Variants in THRB observed in about 807,000 individuals in gnomAD.
THRB encodes the protein nuclear receptor subfamily 1 group A member 2.
In THRB, 12 loss-of-function variants were observed where a neutral mutation model predicts 47.8. That is an observed-to-expected ratio of 0.25 (90% CI 0.16 to 0.41). The LOEUF (loss-of-function observed/expected upper bound fraction) is 0.41. THRB is among the 10% of genes least tolerant of loss of function. The probability of loss-of-function intolerance (pLI) is 1.00; values close to 1 mark genes in which losing one functional copy is unlikely to be tolerated. For synonymous variants in THRB, 218 were observed against 212.2 expected, an observed-to-expected ratio of 1.03 and a Z score of -0.24; for missense variants, 348 against 589.2, an observed-to-expected ratio of 0.59 and a Z score of 4.24.
At chr3:24,225,183 T>C (rs180953594) in intron 4 of THRB, among the ~76,000 whole-genome samples, 1 of 152,256 alleles carries the variant, frequency 6.6e-6, no homozygotes, top group African/African-American at 2.4e-5. Flanking sequence ...TTGTTCTCAG[T>C]TTTGCTTAAC....
At chr3:24,192,860 T>C (rs899789114) in intron 4 of THRB, among the ~76,000 whole-genome samples, 2 of 152,222 alleles carry the variant, frequency 1.3e-5, no homozygotes, top group Non-Finnish European at 1.5e-5. Context: ...ATTACATTCG[T>C]AATAATGATA....
At chr3:24,455,974 T>C (rs1368356327) in intron 1 of THRB, among the ~76,000 whole-genome samples, 1 of 152,200 alleles carries the variant, frequency 6.6e-6, no homozygotes, top group Non-Finnish European at 1.5e-5. Context: ...CAAACTATTA[T>C]CTTCTCACAT....
At chr3:24,480,923 A>T (rs1301001699) in intron 1 of THRB, among the ~76,000 whole-genome samples, 1 of 152,174 alleles carries the variant, frequency 6.6e-6, no homozygotes, top group Non-Finnish European at 1.5e-5. Context: ...AGAAAATTTA[A>T]AAAGCGATGG....
intron 4 of THRB, among the ~76,000 whole-genome samples, chr3:24,224,990 G>A (rs2047512462): frequency 6.6e-6 from 1 of 152,116 alleles, no homozygotes; most frequent in Admixed American, 6.6e-5. Flanking sequence ...CCAAAATAGA[G>A]CTCATATATC....
rs139789096 is a variant in THRB at position 24,446,925 on chromosome 3, A to T, written c.-261+47727T>A. On this transcript the variant is annotated intron_variant, in intron 1 of 10. Transcript: ENST00000646209. ...TGGGTGGGCCCAAATAATCACAGAG[A>T]TCTTTACAAGGAAATAGGCAGAAGA... is the stretch of plus-strand genomic sequence containing the variant. Among the ~76,000 whole-genome samples, 567 of 152,330 alleles carry T rather than the reference A, an allele frequency of 3.7e-3. 6 individuals are homozygous for T. The highest frequency in any genetic ancestry group is 0.012 in the African/African-American group (518 of 41,584).
chr3:24,373,807 G>A (rs1171908069), intron 1 of THRB, among the ~76,000 whole-genome samples: 1 of 152,062 alleles, frequency 6.6e-6, no homozygotes, highest in African/African-American at 2.4e-5. Context: ...TGTAACAATC[G>A]CTAAGTCTTG....
chr3:24,375,770 G>A (rs1052148116), intron 1 of THRB, among the ~76,000 whole-genome samples: 3 of 151,784 alleles, frequency 2.0e-5, no homozygotes, highest in East Asian at 1.9e-4. Context: ...CAGGGACATT[G>A]AGGTCTGCTG....
chr3:24,131,319 A>G (rs1414645444), intron 9 of THRB, among the ~76,000 whole-genome samples: 2 of 152,206 alleles, frequency 1.3e-5, no homozygotes, highest in African/African-American at 4.8e-5. Flanking sequence ...ATAAACCTTC[A>G]ATGAATACGT....
At chr3:24,154,638 G>A (rs2037522349) in intron 5 of THRB, among the ~76,000 whole-genome samples, 1 of 152,176 alleles carries the variant, frequency 6.6e-6, no homozygotes, top group Non-Finnish European at 1.5e-5. Flanking sequence ...GTGCTCATGT[G>A]CTTTTGTGTG....
intron 4 of THRB, among the ~76,000 whole-genome samples, chr3:24,208,479 T>C (rs1391535314): frequency 6.6e-6 from 1 of 152,186 alleles, no homozygotes; most frequent in Non-Finnish European, 1.5e-5. Flanking sequence ...CAAAACAGCA[T>C]GGTACTGGTA....
intron 1 of THRB, among the ~76,000 whole-genome samples, chr3:24,362,795 T>C (rs540167477): frequency 6.6e-5 from 10 of 152,340 alleles, no homozygotes; most frequent in Admixed American, 2.0e-4. Context: ...AGAGACATTA[T>C]ATTTGCCCAA....
intron 1 of THRB, among the ~76,000 whole-genome samples, chr3:24,447,473 G>C (rs1400779061): frequency 6.6e-6 from 1 of 152,094 alleles, no homozygotes; most frequent in Non-Finnish European, 1.5e-5. Flanking sequence ...ATCTCAGAGG[G>C]AATACCTTTG....
At chr3:24,168,600 T>C (rs2039996540) in intron 5 of THRB, among the ~76,000 whole-genome samples, 1 of 151,474 alleles carries the variant, frequency 6.6e-6, no homozygotes, top group Non-Finnish European at 1.5e-5. Context: ...CCTGAGGTTA[T>C]TTACATAAGT....
rs372884020 is a variant in THRB at position 24,133,389 on chromosome 3, T to C, written c.812A>G (p.His271Arg). 1.3e-5 allele frequency: 21 copies of C among 1,614,058 alleles called. No homozygotes were observed. The highest frequency in any genetic ancestry group is 1.7e-5 in the Admixed American group (1 of 60,006). ...GGKVDLEAFS[H>R]FTKIITPAIT... ...TGCTGGTGTGATGATTTTTGTAAAA[T>C]GGCTGAAGGCTTCCAAGTCAACCTT... Residue 271 changes from histidine to arginine, a missense_variant, in exon 9 of 11, where the codon CAT (histidine) becomes CGT (arginine). Physicochemically the swap from His to Arg is conservative, Grantham distance 29. Around this residue, in one of 5 missense-constraint regions of THRB, gnomAD observed 45 missense variants for 156.2 expected, o/e 0.29. Transcript: ENST00000646209.
chr3:24,388,768 A>G (rs1157717048), intron 1 of THRB, among the ~76,000 whole-genome samples: 2 of 152,036 alleles, frequency 1.3e-5, no homozygotes, highest in African/African-American at 4.8e-5. Context: ...TGATGCCAGG[A>G]TTCCCATCCC....
chr3:24,368,162 A>G (rs577347665), intron 1 of THRB, among the ~76,000 whole-genome samples: 36 of 152,136 alleles, frequency 2.4e-4, no homozygotes, highest in Non-Finnish European at 4.4e-4. Flanking sequence ...AGGTAACTAA[A>G]AGAATTATAT....
intron 1 of THRB, among the ~76,000 whole-genome samples, chr3:24,361,923 C>T (rs923683778): frequency 2.6e-5 from 4 of 152,104 alleles, no homozygotes; most frequent in Non-Finnish European, 5.9e-5. Context: ...TGCCCATATC[C>T]TTGCTTTCAT....
At chr3:24,169,044 A>G (rs59459277) in intron 5 of THRB, among the ~76,000 whole-genome samples, 15,313 of 152,084 alleles carry the variant, frequency 0.1, 821 homozygotes, top group Middle Eastern at 0.12. Flanking sequence ...AAAAATACAC[A>G]TAAAGAAAGA....
In THRB at chr3:24,259,620, C is replaced by T. The variant is rs931151334; in HGVS notation, c.-42-30619G>A. On this transcript the variant is annotated intron_variant, in intron 3 of 10. Coordinates refer to ENST00000646209, the MANE Select transcript of THRB (RefSeq NM_001354712.2). ...CAAAGTGGGAATTAGCTCTGCTTACCTTTTTTTTTTTTTTTTTTTTTTTAA... is the reference window on the plus strand; with the variant it reads ...CAAAGTGGGAATTAGCTCTGCTTACTTTTTTTTTTTTTTTTTTTTTTTTAA... Among the ~76,000 whole-genome samples, 439 of 98,266 alleles carry T rather than the reference C, an allele frequency of 4.5e-3. 1 individual carries two copies. Among genetic ancestry groups the T allele is most frequent in the African/African-American group, 0.017 (424 of 25,548 alleles). The allele number at this position is 98,266 out of a possible 152,430, so 64.5% of individuals were successfully genotyped here.
Sources: gnomAD v4.1 joint callset for allele counts (sites outside exome capture counted in the v4.1 genomes callset) on GRCh38, gnomAD v4.1.1 for gene constraint, gnomAD v4.1.1 regional missense constraint, MANE v1.5 for transcripts, NCBI Gene and HGNC (gene_info 2026-07-23, HGNC 2026-07-21) for gene names.